SYT10: variants seen among roughly 807,000 people sequenced by gnomAD.
SYT10 encodes synaptotagmin 10, also known as synaptotagmin-10.
Under a neutral mutation model 51.1 loss-of-function variants are expected in SYT10, and 31 were observed. That is an observed-to-expected ratio of 0.61 (90% CI 0.46 to 0.82). SYT10 has a LOEUF of 0.82. Ranked by LOEUF, SYT10 falls within the 40% of genes least tolerant of loss-of-function variation. The probability of loss-of-function intolerance (pLI) is 0.00; values close to 1 mark genes in which losing one functional copy is unlikely to be tolerated. For missense variants in SYT10, 603 were observed against 634.0 expected (o/e 0.95, Z 0.53); for synonymous variants, 233 against 225.9 (o/e 1.03, Z -0.28).
rs1866247375 is a variant in SYT10, at chr12:33,395,391, G to C, written c.1078-10100C>G. 2.0e-5 allele frequency among the ~76,000 whole-genome samples: 3 copies of C among 152,160 alleles called. No homozygotes were observed. The South Asian group carries it at 6.2e-4, about 31-fold the overall frequency. On this transcript the variant is annotated intron_variant, in intron 3 of 6. Coordinates refer to ENST00000228567, the MANE Select transcript of SYT10 (RefSeq NM_198992.4). ...CTAATAATAGTTATACTGGTTAAAT[G>C]CAAGGAAGAAATAGAACAACTTTTA...
At chr12:33,437,551 T>C (rs2138444704) in intron 1 of SYT10, among the ~76,000 whole-genome samples, 1 of 152,318 alleles carries the variant, frequency 6.6e-6, no homozygotes, top group South Asian at 2.1e-4. Flanking sequence ...CCAGCCAGTC[T>C]GAGACCCGGG....
At chr12:33,399,381 T>G (rs1342343840) in intron 3 of SYT10, among the ~76,000 whole-genome samples, 1 of 152,208 alleles carries the variant, frequency 6.6e-6, no homozygotes, top group Non-Finnish European at 1.5e-5. Context: ...ACTTTGACTT[T>G]TTTGTTTTGT....
At chr12:33,410,181 T>C (rs10844586) in intron 2 of SYT10, among the ~76,000 whole-genome samples, 68,969 of 152,064 alleles carry the variant, frequency 0.45, 16,578 homozygotes, top group East Asian at 0.75. Context: ...TTTCATTCTA[T>C]AGTCCTTCAG....
chr12:33,428,392 GAATGGAGA>G (rs71994537), intron 1 of SYT10, among the ~76,000 whole-genome samples: 18,115 of 152,166 alleles, frequency 0.12, 1,167 homozygotes, highest in Admixed American at 0.17. Flanking sequence ...CTGCACAGAA[GAATGGAGA>G]AAAGGAGAAA....
chr12:33,428,356 A>G (rs1866569223), intron 1 of SYT10, among the ~76,000 whole-genome samples: 1 of 152,206 alleles, frequency 6.6e-6, no homozygotes, highest in Admixed American at 6.5e-5. Context: ...AACAATATTT[A>G]AAGAGAGTTT....
intron 2 of SYT10, among the ~76,000 whole-genome samples, chr12:33,421,381 A>G (rs1021880552): frequency 2.6e-4 from 39 of 152,320 alleles, no homozygotes; most frequent in African/African-American, 8.4e-4. Flanking sequence ...ATAAATCTAT[A>G]TAATTCCTCA....
chr12:33,438,675 T>C (rs1466933944), intron 1 of SYT10, among the ~76,000 whole-genome samples: 3 of 152,210 alleles, frequency 2.0e-5, no homozygotes, highest in Non-Finnish European at 4.4e-5. Flanking sequence ...CTAGGGATTT[T>C]AAACGTCTCC....
intron 3 of SYT10, among the ~76,000 whole-genome samples, chr12:33,392,729 A>T (rs920864824): frequency 6.6e-6 from 1 of 151,958 alleles, no homozygotes; most frequent in Non-Finnish European, 1.5e-5. Flanking sequence ...GTGCTTGGCC[A>T]TGGCACTAAA....
At position 33,399,682 on chromosome 12, in the gene SYT10, A is replaced by G. The variant is rs145178955; in HGVS notation, c.1077+7107T>C. ...GCTGAGTTAGGCAGATGTTAAGGCCAAGAAAAATCATACTTTGGGAACTGA... is the reference window on the plus strand; with the variant it reads ...GCTGAGTTAGGCAGATGTTAAGGCCGAGAAAAATCATACTTTGGGAACTGA... On this transcript the variant is annotated intron_variant, in intron 3 of 6. Coordinates refer to ENST00000228567, the MANE Select transcript of SYT10 (RefSeq NM_198992.4). Among the ~76,000 whole-genome samples the G allele has an allele frequency of 7.0e-3, 1,071 of 152,336 alleles. 13 individuals carry two copies. The highest frequency in any genetic ancestry group is 0.024 in the African/African-American group (991 of 41,580).
chr12:33,423,892 A>T (rs1866526422), intron 2 of SYT10: 2 of 453,546 alleles, frequency 4.4e-6, no homozygotes, highest in Non-Finnish European at 8.9e-6. Flanking sequence ...TGTCATGGGG[A>T]TAATTAATAA....
At chr12:33,407,422 G>C in intron 2 of SYT10, 66 bp from the exon 3 acceptor site, 1 of 1,529,062 alleles carries the variant, frequency 6.5e-7, no homozygotes, top group Non-Finnish European at 8.8e-7. Flanking sequence ...GTTATACAGT[G>C]ACATATAAAC....
chr12:33,388,011 G>A (rs1467965828), intron 3 of SYT10, among the ~76,000 whole-genome samples: 1 of 152,104 alleles, frequency 6.6e-6, no homozygotes, highest in Non-Finnish European at 1.5e-5. Flanking sequence ...CAAAGTGCTG[G>A]GGTTACAGGC....
rs1317267781 is a variant in SYT10, at chr12:33,375,326, T to G, written c.*1504A>C. The stretch of plus-strand genomic sequence containing the variant: ...GGCTTTTAAAACTTTTTTTTAATAT[T>G]TAGAAATAATGGGATTTTACAAAAA... On this transcript the variant is annotated 3_prime_UTR_variant, in exon 7 of 7. Transcript: ENST00000228567. The G allele has an allele frequency of 6.6e-6, 1 of 152,064 alleles. No homozygotes were observed. The highest frequency in any genetic ancestry group is 1.5e-5 in the Non-Finnish European group (1 of 67,958). 9.4% of individuals were successfully genotyped at this position (152,064 alleles called of 1,614,324 possible). A position where few individuals can be genotyped will look rare whatever the true frequency, so the allele number is the denominator to read the frequency against.
intron 1 of SYT10, among the ~76,000 whole-genome samples, chr12:33,434,722 T>C (rs1866623780): frequency 1.3e-5 from 2 of 152,108 alleles, no homozygotes; most frequent in African/African-American, 2.4e-5. Context: ...GGAGAATCGC[T>C]TGAACTTGGG....
At chr12:33,423,594 G>A (rs1866524193) in intron 2 of SYT10, among the ~76,000 whole-genome samples, 1 of 152,002 alleles carries the variant, frequency 6.6e-6, no homozygotes, top group Admixed American at 6.6e-5. Context: ...TTCATCCCAA[G>A]GCTAAACAAG....
intron 3 of SYT10, among the ~76,000 whole-genome samples, chr12:33,389,424 T>C (rs1057309741): frequency 2.6e-5 from 4 of 152,150 alleles, no homozygotes; most frequent in African/African-American, 9.7e-5. Flanking sequence ...ATCAAACATG[T>C]AAAGTGCCTG....
chr12:33,420,536 T>G lies in SYT10; in HGVS notation c.509+5602A>C, dbSNP rs1195612372. ...GCCTGGTGGTGCGTGCCTGTAGTCC[T>G]GGCAACTTGGGAGGCTGAGGCAGGA... On this transcript the variant is annotated intron_variant, in intron 2 of 6. Transcript: ENST00000228567. Among the ~76,000 whole-genome samples, 3 of 151,912 alleles carry G rather than the reference T, an allele frequency of 2.0e-5. No homozygotes were observed. In the East Asian group the frequency reaches 5.8e-4, roughly 29 times the overall value.
At chr12:33,419,755 A>T (rs1866485378) in intron 2 of SYT10, among the ~76,000 whole-genome samples, 1 of 152,234 alleles carries the variant, frequency 6.6e-6, no homozygotes, top group Admixed American at 6.5e-5. Flanking sequence ...AAATGAATGT[A>T]TATGAAGTAA....
At chr12:33,439,316 C>G in intron 1 of SYT10, 56 bp downstream of exon 1, 1 of 1,566,856 alleles carries the variant, frequency 6.4e-7, no homozygotes, top group Middle Eastern at 2.2e-4. Context: ...AGCTTGCAGC[C>G]TAGCGCGCGG....
Sources: allele counts gnomAD v4.1 joint callset (sites outside exome capture counted in the v4.1 genomes callset), GRCh38; gene constraint gnomAD v4.1.1; transcripts MANE v1.5; gene names NCBI Gene and HGNC (gene_info 2026-07-23, HGNC 2026-07-21).